TAFA5: variants seen among roughly 807,000 people sequenced by gnomAD.
TAFA5 encodes the protein chemokine-like protein TAFA-5.
Under a neutral mutation model 15.3 loss-of-function variants are expected in TAFA5, and 6 were observed. The observed-to-expected ratio is 0.39, with a 90% CI of 0.21 to 0.77. The LOEUF (loss-of-function observed/expected upper bound fraction) is 0.77. Ranked by LOEUF, TAFA5 falls within the 30% of genes least tolerant of loss-of-function variation. The pLI, the probability that TAFA5 is intolerant of heterozygous loss-of-function variation, is 0.41. For missense variants in TAFA5, 161 were observed against 193.1 expected (o/e 0.83, Z 0.98); for synonymous variants, 103 against 80.7 (o/e 1.28, Z -1.48).
intron 1 of TAFA5, among the ~76,000 whole-genome samples, chr22:48,621,476 G>A (rs1164513953): frequency 6.6e-6 from 1 of 152,032 alleles, no homozygotes; most frequent in African/African-American, 2.4e-5. Flanking sequence ...AGGTGCTCAT[G>A]GGCACTTCTG....
intron 3 of TAFA5, among the ~76,000 whole-genome samples, chr22:48,733,226 A>T (rs539427064): frequency 3.9e-5 from 6 of 152,324 alleles, no homozygotes; most frequent in Middle Eastern, 3.4e-3. Flanking sequence ...CACTAGGGGG[A>T]CACAGTCTTA....
chr22:48,655,394 T>G (rs1244217396), intron 2 of TAFA5, among the ~76,000 whole-genome samples: 1 of 152,224 alleles, frequency 6.6e-6, no homozygotes, highest in East Asian at 1.9e-4. Context: ...AAATTTATTT[T>G]ACACTGTTCT....
At chr22:48,661,396 G>A (rs974208936) in intron 2 of TAFA5, among the ~76,000 whole-genome samples, 4 of 152,194 alleles carry the variant, frequency 2.6e-5, no homozygotes, top group African/African-American at 7.2e-5. Flanking sequence ...AACCCCGGCC[G>A]CAGAACTCGC....
intron 1 of TAFA5, chr22:48,544,933 T>A (rs1324011206): frequency 2.2e-6 from 1 of 464,752 alleles, no homozygotes; most frequent in Non-Finnish European, 4.5e-6. Context: ...GCCCTACGGG[T>A]GTGAAGGAAG....
chr22:48,680,377 C>T (rs1026372621), intron 2 of TAFA5, among the ~76,000 whole-genome samples: 2 of 152,212 alleles, frequency 1.3e-5, no homozygotes, highest in Non-Finnish European at 2.9e-5. Context: ...CTGCTGTACC[C>T]GCCATGCAGT....
chr22:48,617,270 A>AG (rs1925644042), intron 1 of TAFA5, among the ~76,000 whole-genome samples: 1 of 148,222 alleles, frequency 6.7e-6, no homozygotes, highest in Non-Finnish European at 1.5e-5. Context: ...CAAAGCAGAG[A>AG]GGGGGTGATG....
chr22:48,507,547 C>G (rs543890203), intron 1 of TAFA5, among the ~76,000 whole-genome samples: 1 of 152,238 alleles, frequency 6.6e-6, no homozygotes, highest in African/African-American at 2.4e-5. Context: ...TTGCCAGCCC[C>G]TTTTGCCCAG....
chr22:48,544,953 C>T (rs537059554), intron 1 of TAFA5: 58 of 452,474 alleles, frequency 1.3e-4, no homozygotes, highest in Non-Finnish European at 2.1e-4. Context: ...GGATGCTGAG[C>T]GCACCTGCTT....
chr22:48,627,650 G>A (rs1448703458), intron 1 of TAFA5, among the ~76,000 whole-genome samples: 1 of 152,238 alleles, frequency 6.6e-6, no homozygotes, highest in Non-Finnish European at 1.5e-5. Flanking sequence ...CCACGCTGTT[G>A]GACCCAGCAG....
intron 2 of TAFA5, among the ~76,000 whole-genome samples, chr22:48,659,967 T>A (rs1292819665): frequency 6.6e-6 from 1 of 152,188 alleles, no homozygotes; most frequent in East Asian, 1.9e-4. Context: ...TCATGTGACT[T>A]GGAGGGGGGT....
intron 1 of TAFA5, among the ~76,000 whole-genome samples, chr22:48,628,825 C>T (rs909990541): frequency 6.6e-6 from 1 of 152,218 alleles, no homozygotes; most frequent in South Asian, 2.1e-4. Context: ...GACACATCGG[C>T]GTGTTTGCCA....
intron 1 of TAFA5, chr22:48,538,993 G>GT (rs1922265474): frequency 1.0e-5 from 2 of 191,840 alleles, no homozygotes; most frequent in South Asian, 1.1e-4. Flanking sequence ...ATACGTATTT[G>GT]TCGGGGGGAT....
intron 2 of TAFA5, among the ~76,000 whole-genome samples, chr22:48,686,596 T>C (rs1329083655): frequency 6.6e-6 from 1 of 152,092 alleles, no homozygotes; most frequent in Admixed American, 6.5e-5. Flanking sequence ...GCTCAGGTGT[T>C]TGGATGTTTG....
In TAFA5 at chr22:48,630,080, G is replaced by A. The variant is rs535189910; in HGVS notation, c.113-16517G>A. On this transcript the variant is annotated intron_variant, in intron 1 of 3. Coordinates refer to ENST00000402357, the MANE Select transcript of TAFA5 (RefSeq NM_001082967.3). ...GAACTGACCTGACTGGGGTCGGGGCGGGGGACGAGCAGGTGGAGTGGGAGG... is the reference window on the plus strand; with the variant it reads ...GAACTGACCTGACTGGGGTCGGGGCAGGGGACGAGCAGGTGGAGTGGGAGG... Among the ~76,000 whole-genome samples the A allele has an allele frequency of 1.9e-4, 29 of 152,340 alleles. 1 individual carries two copies. The East Asian group carries it at 3.9e-3, about 20-fold the overall frequency.
At chr22:48,642,751 G>A (rs373773451) in intron 1 of TAFA5, among the ~76,000 whole-genome samples, 4 of 152,174 alleles carry the variant, frequency 2.6e-5, no homozygotes, top group East Asian at 1.9e-4. Flanking sequence ...GTGTGGGCAC[G>A]TGTTTGGTCA....
chr22:48,648,209 A>G (rs1345450055), intron 2 of TAFA5, among the ~76,000 whole-genome samples: 1 of 151,390 alleles, frequency 6.6e-6, no homozygotes, highest in Non-Finnish European at 1.5e-5. Context: ...GATGTGTCCC[A>G]TGCTCAGCTG....
Position 48,566,777 on chromosome 22 carries a change from C to G in TAFA5, c.112+77073C>G, listed in dbSNP as rs1391801558. On this transcript the variant is annotated intron_variant, in intron 1 of 3. Transcript: ENST00000402357. The surrounding 1 kb of genome is among the most constrained non-coding windows in gnomAD (Gnocchi z 4.5). The stretch of plus-strand genomic sequence containing the variant: ...AGAGAACCCAGCCCCTGATCATGCT[C>G]TCCTCCTTTTGCCTGTGTCCTCCTT... 6.6e-6 allele frequency among the ~76,000 whole-genome samples: 1 copy of G among 152,206 alleles called. No homozygotes were observed. Among genetic ancestry groups the G allele is most frequent in the Non-Finnish European group, 1.5e-5 (1 of 68,044 alleles).
At chr22:48,665,488 G>A (rs9628591) in intron 2 of TAFA5, among the ~76,000 whole-genome samples, 7 of 152,004 alleles carry the variant, frequency 4.6e-5, no homozygotes, top group African/African-American at 1.5e-4. Flanking sequence ...GTTCTCTCGC[G>A]TTCTTGTCCC....
chr22:48,728,063 A>C (rs1406497456), intron 3 of TAFA5, among the ~76,000 whole-genome samples: 11 of 152,266 alleles, frequency 7.2e-5, no homozygotes, highest in African/African-American at 2.7e-4. Context: ...AGATCTTTTG[A>C]ATACTACAAT....
Sources: gnomAD v4.1 joint callset for allele counts (sites outside exome capture counted in the v4.1 genomes callset) on GRCh38, gnomAD v4.1.1 for gene constraint, Gnocchi (gnomAD v3.1) non-coding constraint, MANE v1.5 for transcripts, NCBI Gene and HGNC (gene_info 2026-07-23, HGNC 2026-07-21) for gene names.